The following RNLS variants were observed in gnomAD, a reference collection of about 807,000 sequenced individuals.
RNLS encodes renalase, FAD dependent amine oxidase, also known as renalase.
RNLS carries 39 observed loss-of-function variants against 39.8 expected under a neutral mutation model. The ratio of observed to expected loss-of-function variants is 0.98; its 90% CI spans 0.76 to 1.28. The LOEUF (loss-of-function observed/expected upper bound fraction) is 1.28. Among genes scored for constraint, RNLS ranks in the 50% most tolerant of loss-of-function variants. RNLS has a pLI of 0.00. For missense variants in RNLS, 410 were observed against 413.3 expected (o/e 0.99, Z 0.07); for synonymous variants, 147 against 150.7 (o/e 0.98, Z 0.18).
At chr10:88,285,742 G>T (rs776867624) in intron 6 of RNLS, among the ~76,000 whole-genome samples, 14 of 152,046 alleles carry the variant, frequency 9.2e-5, no homozygotes, top group Non-Finnish European at 1.9e-4. Flanking sequence ...TAAATTTTCA[G>T]TTATTAGATA....
downstream of RNLS, among the ~76,000 whole-genome samples, chr10:88,280,215 A>G (rs536818503): frequency 6.6e-6 from 1 of 152,268 alleles, no homozygotes; most frequent in Non-Finnish European, 1.5e-5. Flanking sequence ...CCTCACAACA[A>G]TCTTATGAGG....
intron 4 of RNLS, among the ~76,000 whole-genome samples, chr10:88,494,837 A>G (rs971911501): frequency 1.3e-5 from 2 of 152,174 alleles, no homozygotes; most frequent in Non-Finnish European, 2.9e-5. Flanking sequence ...TAAATTAAAC[A>G]GTTCAGCAGA....
At chr10:88,560,959 CACACACACACACACAT>C (rs1372743329) in intron 4 of RNLS, among the ~76,000 whole-genome samples, 4 of 151,846 alleles carry the variant, frequency 2.6e-5, no homozygotes, top group African/African-American at 9.7e-5. Flanking sequence ...CACACACACA[CACACACACACACACAT>C]ACACACACAG....
In RNLS at chr10:88,473,801, A is replaced by G. The variant is rs540201872; in HGVS notation, c.526+99102T>C. Among the ~76,000 whole-genome samples the G allele has an allele frequency of 2.0e-5, 3 of 152,304 alleles. No individual in the cohort carries two copies. The South Asian group carries it at 6.2e-4, about 32-fold the overall frequency. Reference sequence around the variant, plus strand: ...CAATTGACAGGTCAGGGCTCAGTGTATAAGACTAATTAAATAAAAAGCCAT... The same window carrying G: ...CAATTGACAGGTCAGGGCTCAGTGTGTAAGACTAATTAAATAAAAAGCCAT... On this transcript the variant is annotated intron_variant, in intron 4 of 6. Coordinates refer to ENST00000331772, the MANE Select transcript of RNLS (RefSeq NM_001031709.3).
chr10:88,415,269 T>C lies in RNLS; in HGVS notation c.527-52544A>G, dbSNP rs544954033. 3.3e-5 allele frequency among the ~76,000 whole-genome samples: 5 copies of C among 152,238 alleles called. No individual in the cohort carries two copies. The South Asian group carries it at 6.2e-4, about 19-fold the overall frequency. On this transcript the variant is annotated intron_variant, in intron 4 of 6. Coordinates refer to ENST00000331772, the MANE Select transcript of RNLS (RefSeq NM_001031709.3). ...TCCTAACCTCTCCCCAAATAAACAA[T>C]TGATGTTGGGAATAACTGGAGCTCA...
At chr10:88,174,386 T>C in the RNLS span, among the ~76,000 whole-genome samples, 3 of 152,180 alleles carry the variant, frequency 2.0e-5, no homozygotes, top group Admixed American at 6.5e-5. Flanking sequence ...AGTATAATGT[T>C]AGCTGTGGGT....
At chr10:88,475,731 T>C (rs748247988) in intron 4 of RNLS, among the ~76,000 whole-genome samples, 11 of 152,144 alleles carry the variant, frequency 7.2e-5, no homozygotes, top group Non-Finnish European at 1.3e-4. Context: ...TGGGACTTTG[T>C]GTCTTCTTGA....
Position 88,346,735 on chromosome 10 carries a change from A to G in RNLS, c.700+15817T>C, listed in dbSNP as rs367785764. On this transcript the variant is annotated intron_variant, in intron 5 of 6. Coordinates refer to ENST00000331772, the MANE Select transcript of RNLS (RefSeq NM_001031709.3). ...AATATTTATCAAGCACTGAATACAC[A>G]TTCCTATTATGCCGTGATGTTAGTG... is the stretch of plus-strand genomic sequence containing the variant. 1.6e-4 allele frequency among the ~76,000 whole-genome samples: 24 copies of G among 152,324 alleles called. No homozygotes were observed. In the East Asian group the frequency reaches 4.2e-3, roughly 27 times the overall value.
At chr10:88,404,033 G>C (rs1853111108) in intron 4 of RNLS, among the ~76,000 whole-genome samples, 1 of 151,990 alleles carries the variant, frequency 6.6e-6, no homozygotes, top group South Asian at 2.1e-4. Flanking sequence ...AACAGAGCAA[G>C]GCCTTGCCTA....
chr10:88,312,643 TAG>T (rs1262684933), intron 6 of RNLS, among the ~76,000 whole-genome samples: 1 of 152,198 alleles, frequency 6.6e-6, no homozygotes, highest in African/African-American at 2.4e-5. Context: ...CTCATCACTA[TAG>T]AGAGTTAAAA....
At chr10:88,287,859 T>C (rs1843385064) in intron 6 of RNLS, among the ~76,000 whole-genome samples, 1 of 151,876 alleles carries the variant, frequency 6.6e-6, no homozygotes, top group South Asian at 2.1e-4. Flanking sequence ...ACCAGGTACC[T>C]CCCTCAACAC....
At chr10:88,385,724 G>A (rs554474001) in intron 4 of RNLS, among the ~76,000 whole-genome samples, 3 of 152,148 alleles carry the variant, frequency 2.0e-5, no homozygotes, top group Non-Finnish European at 4.4e-5. Flanking sequence ...GTTTTCCTTC[G>A]GGTGGGGCCC....
intron 4 of RNLS, among the ~76,000 whole-genome samples, chr10:88,548,261 CAAAAAAAAAAAAAAAAAA>C (rs869175046): frequency 3.1e-5 from 1 of 32,408 alleles, no homozygotes; most frequent in South Asian, 2.3e-3. Context: ...GACTCCGTCT[CAAAAAAAAAAAAAAAAAA>C]AAAAAAAAAA....
At chr10:88,234,025 C>T in the RNLS span, among the ~76,000 whole-genome samples, 2 of 148,046 alleles carry the variant, frequency 1.4e-5, no homozygotes, top group Non-Finnish European at 3.0e-5. Context: ...AGTGCTGCCA[C>T]AGCATCTTGT....
At chr10:88,190,904 T>A in the RNLS span, among the ~76,000 whole-genome samples, 3 of 152,158 alleles carry the variant, frequency 2.0e-5, no homozygotes, top group African/African-American at 7.2e-5. Flanking sequence ...CTTCTCCAAG[T>A]GGTGAGGTCC....
intron 5 of RNLS, among the ~76,000 whole-genome samples, chr10:88,328,865 A>T (rs1846852275): frequency 1.3e-5 from 2 of 152,112 alleles, no homozygotes; most frequent in Admixed American, 6.5e-5. Flanking sequence ...TTCCAAAAGT[A>T]TTCTGTGAAG....
At chr10:88,271,711 C>T (rs190883898), downstream of RNLS, among the ~76,000 whole-genome samples, 81 of 152,262 alleles carry the variant, frequency 5.3e-4, no homozygotes, top group South Asian at 2.3e-3. Context: ...TATCTTTCAT[C>T]TTGGTTGCCA....
At position 88,482,462 on chromosome 10, in the gene RNLS, C is replaced by T. The variant is rs140532548; in HGVS notation, c.526+90441G>A. On this transcript the variant is annotated intron_variant, in intron 4 of 6. Transcript: ENST00000331772. Reference sequence around the variant, plus strand: ...TCTAGTGACTTTTTCATTTCAGGTCCTGTATTTTCAGCTCCAGAGTTTCCA... The same window carrying T: ...TCTAGTGACTTTTTCATTTCAGGTCTTGTATTTTCAGCTCCAGAGTTTCCA... Among the ~76,000 whole-genome samples the T allele has an allele frequency of 2.6e-4, 40 of 152,216 alleles. No individual in the cohort carries two copies. The East Asian group carries it at 7.5e-3, about 29-fold the overall frequency.
At chr10:88,448,464 C>T (rs898574405) in intron 4 of RNLS, among the ~76,000 whole-genome samples, 16 of 152,226 alleles carry the variant, frequency 1.1e-4, no homozygotes, top group Middle Eastern at 3.4e-3. Context: ...CATCTCACAC[C>T]AGTTAGAATG....
Sources: allele counts gnomAD v4.1 joint callset (sites outside exome capture counted in the v4.1 genomes callset), GRCh38; gene constraint gnomAD v4.1.1; transcripts MANE v1.5; gene names NCBI Gene and HGNC (gene_info 2026-07-23, HGNC 2026-07-21).